The following ATRN variants were observed in gnomAD, a reference collection of about 807,000 sequenced individuals.
ATRN encodes the protein attractin.
ATRN carries 54 observed loss-of-function variants against 178.7 expected under a neutral mutation model. The ratio of observed to expected loss-of-function variants is 0.30; its 90% CI spans 0.24 to 0.38. ATRN has a LOEUF of 0.38. Among genes scored for constraint, ATRN ranks in the 10% least tolerant of loss-of-function variants. The probability of loss-of-function intolerance (pLI) is 1.00; values close to 1 mark genes in which losing one functional copy is unlikely to be tolerated. For missense variants in ATRN, 1,443 were observed against 1,815.1 expected, an observed-to-expected ratio of 0.79 and a Z score of 3.73; for synonymous variants, 636 against 663.0, an observed-to-expected ratio of 0.96 and a Z score of 0.63.
At chr20:3,501,701 G>A (rs1188565911) in intron 1 of ATRN, among the ~76,000 whole-genome samples, 1 of 152,196 alleles carries the variant, frequency 6.6e-6, no homozygotes, top group Non-Finnish European at 1.5e-5. Context: ...AAACTCAGGG[G>A]CGAGGGCCAA....
At chr20:3,523,749 T>C (rs1675483103) in intron 1 of ATRN, among the ~76,000 whole-genome samples, 1 of 151,910 alleles carries the variant, frequency 6.6e-6, no homozygotes. Flanking sequence ...CAGAAGAGAG[T>C]GGGGGCCAAT....
intron 2 of ATRN, among the ~76,000 whole-genome samples, chr20:3,537,657 C>T (rs2085556740): frequency 6.6e-6 from 1 of 150,578 alleles, no homozygotes; most frequent in Non-Finnish European, 1.5e-5. Flanking sequence ...GCTATCCCTC[C>T]CCACTCCCCC....
chr20:3,616,253 T>A (rs537569287), intron 24 of ATRN, among the ~76,000 whole-genome samples: 18 of 152,172 alleles, frequency 1.2e-4, no homozygotes, highest in Non-Finnish European at 2.5e-4. Flanking sequence ...AGCAGACTTC[T>A]CTCCTGTGAT....
intron 1 of ATRN, among the ~76,000 whole-genome samples, chr20:3,474,956 C>T (rs200467503): frequency 1.2e-4 from 18 of 147,118 alleles, no homozygotes; most frequent in Non-Finnish European, 2.4e-4. Flanking sequence ...TGCTTGAACC[C>T]GGGAAGCGGA....
At chr20:3,489,594 C>T (rs2084754058) in intron 1 of ATRN, 1 of 1,478,568 alleles carries the variant, frequency 6.8e-7, no homozygotes. Context: ...CCACTTGAGT[C>T]TTCATATTCT....
At chr20:3,489,607 C>T in intron 1 of ATRN, 1 of 1,474,528 alleles carries the variant, frequency 6.8e-7, no homozygotes, top group Admixed American at 1.7e-5. Context: ...CATATTCTTC[C>T]TCCAGTGTCA....
chr20:3,505,282 T>C (rs992779285), intron 1 of ATRN, among the ~76,000 whole-genome samples: 4 of 152,146 alleles, frequency 2.6e-5, no homozygotes, highest in Non-Finnish European at 4.4e-5. Context: ...AACTCCAGGC[T>C]CTCTGGCCCT....
rs1022247432 is a variant in ATRN, at chr20:3,546,642, C to T, written c.738-642C>T. Among the ~76,000 whole-genome samples the T allele has an allele frequency of 4.6e-5, 7 of 152,080 alleles. No individual in the cohort carries two copies. In the South Asian group the frequency reaches 1.0e-3, roughly 23 times the overall value. On this transcript the variant is annotated intron_variant, in intron 4 of 28. Coordinates refer to ENST00000262919, the MANE Select transcript of ATRN (RefSeq NM_139321.3). Reference sequence around the variant, plus strand: ...TCCTGACCTCGTGATTCGCCAACCTCGGCCTCCCAAAGTGTTGAGATTACA... The same window carrying T: ...TCCTGACCTCGTGATTCGCCAACCTTGGCCTCCCAAAGTGTTGAGATTACA...
intron 13 of ATRN, 62 bp from the exon 14 acceptor site, chr20:3,576,797 G>C: frequency 6.4e-7 from 1 of 1,572,908 alleles, no homozygotes; most frequent in South Asian, 1.2e-5. Context: ...ATATCCTGTT[G>C]GTCCTCACCA....
intron 25 of ATRN, among the ~76,000 whole-genome samples, chr20:3,629,780 T>A (rs1336451013): frequency 6.6e-6 from 1 of 152,148 alleles, no homozygotes; most frequent in African/African-American, 2.4e-5. Flanking sequence ...ACAGTTTTAT[T>A]ATACAGGGTA....
chr20:3,622,982 C>T (rs2086908209), intron 24 of ATRN, among the ~76,000 whole-genome samples: 1 of 152,166 alleles, frequency 6.6e-6, no homozygotes, highest in South Asian at 2.1e-4. Flanking sequence ...CCTTAGCATC[C>T]AGTGGTTTTT....
chr20:3,483,669 T>C (rs1268561172), intron 1 of ATRN, among the ~76,000 whole-genome samples: 1 of 152,152 alleles, frequency 6.6e-6, no homozygotes, highest in Non-Finnish European at 1.5e-5. Context: ...TTTACCTATC[T>C]CTTTTTGCAT....
At chr20:3,617,030 A>G (rs1249625225) in intron 24 of ATRN, among the ~76,000 whole-genome samples, 1 of 152,204 alleles carries the variant, frequency 6.6e-6, no homozygotes, top group East Asian at 1.9e-4. Flanking sequence ...ATGAGTATAT[A>G]GTTGTTAGTA....
chr20:3,500,406 A>G (rs977145048), intron 1 of ATRN, among the ~76,000 whole-genome samples: 15 of 152,128 alleles, frequency 9.9e-5, no homozygotes, highest in African/African-American at 3.4e-4. Context: ...TAGTGGCACT[A>G]TTCACAATAG....
chr20:3,573,191 T>C (rs146365186), intron 12 of ATRN, among the ~76,000 whole-genome samples: 244 of 152,322 alleles, frequency 1.6e-3, no homozygotes, highest in African/African-American at 5.5e-3. Context: ...CGTTTTGGCA[T>C]TGCATAGGCT....
chr20:3,591,330 C>T, intron 19 of ATRN, 24 bp downstream of exon 19: 2 of 1,609,600 alleles, frequency 1.2e-6, no homozygotes, highest in Non-Finnish European at 1.7e-6. Flanking sequence ...GTCAGGTTTA[C>T]TCATGGCAAA....
Position 3,559,376 on chromosome 20 carries a change from ATC to A in ATRN, c.1113-15_1113-14del. 1 of 1,569,116 alleles carries A rather than the reference ATC, an allele frequency of 6.4e-7. No homozygotes were observed. The highest frequency in any genetic ancestry group is 2.2e-5 in the East Asian group (1 of 44,614). ...GTCTTATTAGTTGGGTGAAAATATGATCTGTTTGTTTTGTAGGTATGACCTTG... is the reference window on the plus strand; with the variant it reads ...GTCTTATTAGTTGGGTGAAAATATGATGTTTGTTTTGTAGGTATGACCTTG... On this transcript the variant is annotated splice_polypyrimidine_tract_variant and intron_variant, in intron 6 of 28. Transcript: ENST00000262919.
chr20:3,634,158 T>C (rs2087008455), intron 25 of ATRN, among the ~76,000 whole-genome samples, 153 bp from the exon 26 acceptor site: 1 of 152,160 alleles, frequency 6.6e-6, no homozygotes, highest in Non-Finnish European at 1.5e-5. Flanking sequence ...ACTCATTACC[T>C]CCTGAGCCGG....
Position 3,644,228 on chromosome 20 carries a change from C to G in ATRN, c.4125C>G (p.Leu1375=). 1 of 1,614,190 alleles carries G rather than the reference C, an allele frequency of 6.2e-7. No individual in the cohort carries two copies. The highest frequency in any genetic ancestry group is 8.5e-7 in the Non-Finnish European group (1 of 1,180,024). Residue 1375 remains leucine (L), a synonymous_variant, in exon 28 of 29, where the codon CTC becomes CTG. Transcript: ENST00000262919. ...CTGTCCTCTCTGTGTTTGTGAGGCT[C>G]CCTCGAGGCCTGGGTGGCATCCCTC... ...KAAVLSVFVR[L]PRGLGGIPPP... is the part of the protein sequence containing the mutation.
Sources: allele counts gnomAD v4.1 joint callset (sites outside exome capture counted in the v4.1 genomes callset), GRCh38; gene constraint gnomAD v4.1.1; transcripts MANE v1.5; gene names NCBI Gene and HGNC (gene_info 2026-07-23, HGNC 2026-07-21).